SRD5A2: variants seen among roughly 807,000 people sequenced by gnomAD.
SRD5A2 encodes the protein 3-oxo-5-alpha-steroid 4-dehydrogenase 2.
In SRD5A2, 30 loss-of-function variants were observed where a neutral mutation model predicts 27.4. That is an observed-to-expected ratio of 1.10 (90% CI 0.82 to 1.49). The LOEUF (loss-of-function observed/expected upper bound fraction) is 1.49, where lower values mean the gene tolerates loss of function less well. SRD5A2 is among the 40% of genes most tolerant of loss of function. The pLI, the probability that SRD5A2 is intolerant of heterozygous loss-of-function variation, is 0.00. For missense variants in SRD5A2, 348 were observed against 323.4 expected, an observed-to-expected ratio of 1.08 and a Z score of -0.58; for synonymous variants, 141 against 133.6, an observed-to-expected ratio of 1.06 and a Z score of -0.38.
chr2:31,648,472 T>G, the SRD5A2 span, among the ~76,000 whole-genome samples: 1 of 152,218 alleles, frequency 6.6e-6, no homozygotes. Flanking sequence ...TGTTGAAGCT[T>G]GAGCTAGACA....
At chr2:31,628,355 A>G in the SRD5A2 span, among the ~76,000 whole-genome samples, 7 of 151,928 alleles carry the variant, frequency 4.6e-5, no homozygotes, top group African/African-American at 1.7e-4. Context: ...CTTTGAGCCT[A>G]TGGGTGTTAT....
At chr2:31,538,647 C>T (rs541598769) in intron 1 of SRD5A2, among the ~76,000 whole-genome samples, 1 of 152,350 alleles carries the variant, frequency 6.6e-6, no homozygotes, top group South Asian at 2.1e-4. Flanking sequence ...CCAACTACAT[C>T]TCTGCTCTCT....
the SRD5A2 span, among the ~76,000 whole-genome samples, chr2:31,658,573 C>A: frequency 6.6e-6 from 1 of 151,734 alleles, no homozygotes; most frequent in African/African-American, 2.4e-5. Flanking sequence ...AAAAAATCCT[C>A]AGAGACTATT....
the SRD5A2 span, among the ~76,000 whole-genome samples, chr2:31,609,403 C>G: frequency 6.6e-6 from 1 of 151,910 alleles, no homozygotes; most frequent in South Asian, 2.1e-4. Flanking sequence ...GTGGTACTAA[C>G]ATAAAAATAG....
At chr2:31,569,965 ACCACT>A (rs1666818906) in intron 1 of SRD5A2, among the ~76,000 whole-genome samples, 1 of 152,208 alleles carries the variant, frequency 6.6e-6, no homozygotes, top group Admixed American at 6.5e-5. Flanking sequence ...AAGAGCTGGT[ACCACT>A]CCTACTTAAA....
At chr2:31,627,050 T>C in the SRD5A2 span, among the ~76,000 whole-genome samples, 1 of 152,346 alleles carries the variant, frequency 6.6e-6, no homozygotes, top group East Asian at 1.9e-4. Context: ...GTTATTGGTC[T>C]ATTCAGGGAT....
chr2:31,648,439 T>C, the SRD5A2 span, among the ~76,000 whole-genome samples: 2 of 152,182 alleles, frequency 1.3e-5, no homozygotes, highest in Non-Finnish European at 2.9e-5. Context: ...GCAACTGCAT[T>C]TCAACCTGCC....
intron 1 of SRD5A2, among the ~76,000 whole-genome samples, chr2:31,578,160 ATATACT>A (rs1666997502): frequency 1.3e-5 from 2 of 152,276 alleles, no homozygotes; most frequent in East Asian, 1.9e-4. Flanking sequence ...TTAATATTTA[ATATACT>A]TAGATGTAAT....
upstream of SRD5A2, among the ~76,000 whole-genome samples, chr2:31,585,630 T>A (rs1667163594): frequency 6.6e-6 from 1 of 152,132 alleles, no homozygotes; most frequent in Admixed American, 6.5e-5. Context: ...AAAAGCCCTT[T>A]GGCTCTGAAT....
intron 1 of SRD5A2, among the ~76,000 whole-genome samples, chr2:31,553,830 G>C (rs1666431352): frequency 6.6e-6 from 1 of 152,020 alleles, no homozygotes; most frequent in African/African-American, 2.4e-5. Context: ...TGATTTCAAT[G>C]GTCTAATATA....
At chr2:31,546,627 G>A (rs1241697075) in intron 1 of SRD5A2, among the ~76,000 whole-genome samples, 3 of 152,026 alleles carry the variant, frequency 2.0e-5, no homozygotes, top group South Asian at 2.1e-4. Flanking sequence ...ACAGACACTG[G>A]GGACTAATAA....
At chr2:31,589,049 C>T in the SRD5A2 span, among the ~76,000 whole-genome samples, 1 of 152,134 alleles carries the variant, frequency 6.6e-6, no homozygotes, top group African/African-American at 2.4e-5. Context: ...ACTGTGAGTT[C>T]CCAAAGTGTG....
At chr2:31,646,801 T>C in the SRD5A2 span, among the ~76,000 whole-genome samples, 1 of 152,056 alleles carries the variant, frequency 6.6e-6, no homozygotes, top group East Asian at 1.9e-4. Context: ...GCTTAGCTTG[T>C]CCCCAAACAT....
chr2:31,658,556 TA>T, the SRD5A2 span, among the ~76,000 whole-genome samples: 2,936 of 139,046 alleles, frequency 0.021, 73 homozygotes, highest in African/African-American at 0.068. Context: ...CCCACAGAAA[TA>T]AAAAAAAAAA....
Position 31,526,028 on chromosome 2 carries a change from T to C in SRD5A2, c.*168A>G, listed in dbSNP as rs1415109852. On this transcript the variant is annotated 3_prime_UTR_variant, in exon 5 of 5. Coordinates refer to ENST00000622030, the MANE Select transcript of SRD5A2 (RefSeq NM_000348.4). ...ATAGGGGTCCCTGGAAGGGTAGGAG[T>C]AAACTCTAAGCAGACACCACTCAGA... 1 of 525,166 alleles carries C rather than the reference T, an allele frequency of 1.9e-6. No homozygotes were observed. The highest frequency in any genetic ancestry group is 3.1e-5 in the Admixed American group (1 of 32,156). 32.5% of individuals were successfully genotyped at this position (525,166 alleles called of 1,614,324 possible). A position where few individuals can be genotyped will look rare whatever the true frequency, so the allele number is the denominator to read the frequency against.
At chr2:31,576,201 G>A (rs1666956360) in intron 1 of SRD5A2, among the ~76,000 whole-genome samples, 1 of 118,352 alleles carries the variant, frequency 8.4e-6, no homozygotes, top group African/African-American at 3.3e-5. Context: ...CCATCAGAGT[G>A]AACAGGCAAC....
chr2:31,550,713 G>C (rs1335429989), intron 1 of SRD5A2, among the ~76,000 whole-genome samples: 1 of 151,862 alleles, frequency 6.6e-6, no homozygotes, highest in Admixed American at 6.6e-5. Context: ...ATAAGAAATA[G>C]AAAATAAGAG....
chr2:31,653,448 T>C, the SRD5A2 span, among the ~76,000 whole-genome samples: 12 of 152,330 alleles, frequency 7.9e-5, no homozygotes, highest in Admixed American at 2.0e-4. Context: ...CACTGTTGGC[T>C]CTGGGATACC....
the SRD5A2 span, among the ~76,000 whole-genome samples, chr2:31,635,747 T>C: frequency 6.6e-6 from 1 of 152,116 alleles, no homozygotes; most frequent in African/African-American, 2.4e-5. Context: ...TGCTGAAAGA[T>C]AGAGGTGTAG....
Sources: allele counts gnomAD v4.1 joint callset (sites outside exome capture counted in the v4.1 genomes callset), GRCh38; gene constraint gnomAD v4.1.1; transcripts MANE v1.5; gene names NCBI Gene and HGNC (gene_info 2026-07-23, HGNC 2026-07-21).